The following KIF5C variants were observed in gnomAD, a reference collection of about 807,000 sequenced individuals.
KIF5C encodes the protein kinesin family member 5C, also known as kinesin heavy chain isoform 5C.
Under a neutral mutation model 125.2 loss-of-function variants are expected in KIF5C, and 18 were observed. The observed-to-expected ratio is 0.14, with a 90% confidence interval of 0.10 to 0.21. The LOEUF (loss-of-function observed/expected upper bound fraction) is 0.21, where lower values mean the gene tolerates loss of function less well. KIF5C is among the 10% of genes least tolerant of loss of function. The pLI is 1.00. For missense variants in KIF5C, 780 were observed against 1,183.8 expected, an observed-to-expected ratio of 0.66 and a Z score of 5.01; for synonymous variants, 405 against 434.0, an observed-to-expected ratio of 0.93 and a Z score of 0.83.
rs145749734 is a variant in KIF5C at position 148,980,391 on chromosome 2, T to C, written c.1363-964T>C. ...CCTTAACATTTTTCTTTTTCTATAC[T>C]ATCAAGGCAGTATCTGTTCAATATA... On this transcript the variant is annotated intron_variant, in intron 13 of 25. Coordinates refer to ENST00000435030, the MANE Select transcript of KIF5C (RefSeq NM_004522.3). Among the ~76,000 whole-genome samples, 150 of 152,294 alleles carry C rather than the reference T, an allele frequency of 9.8e-4. 1 individual carries two copies. In the East Asian group the frequency reaches 0.025, roughly 26 times the overall value.
chr2:148,892,118 G>T (rs1681724373), intron 1 of KIF5C, among the ~76,000 whole-genome samples: 1 of 152,226 alleles, frequency 6.6e-6, no homozygotes, highest in Non-Finnish European at 1.5e-5. Flanking sequence ...TCACAGAAGA[G>T]TAAGTTGTGG....
chr2:148,963,402 A>G (rs2105132895), intron 11 of KIF5C, among the ~76,000 whole-genome samples: 1 of 152,250 alleles, frequency 6.6e-6, no homozygotes, highest in South Asian at 2.1e-4. Context: ...GCTTTTTGCT[A>G]GTAAGGGTGG....
intron 1 of KIF5C, among the ~76,000 whole-genome samples, chr2:148,899,702 CAAAAAAAAAAAAAAAA>C (rs771196518): frequency 8.7e-5 from 4 of 46,072 alleles, no homozygotes; most frequent in African/African-American, 2.3e-4. Context: ...AACTCCATCT[CAAAAAAAAAAAAAAAA>C]AAAAAAAGAA....
intron 21 of KIF5C, among the ~76,000 whole-genome samples, chr2:149,004,669 A>T (rs547109996): frequency 6.6e-6 from 1 of 152,366 alleles, no homozygotes; most frequent in Admixed American, 6.5e-5. Context: ...TGAAATATGC[A>T]TCAATAAATT....
At position 148,924,953 on chromosome 2, in the gene KIF5C, C is replaced by T. The variant is rs566672516; in HGVS notation, c.217+2726C>T. On this transcript the variant is annotated intron_variant, in intron 2 of 25. Transcript: ENST00000435030. This position sits in a 1 kb window ranked among gnomAD's most constrained non-coding sequence, Gnocchi z 4.0. ...GAGTCGCCATGCTATGTAAGACTGTCTGCAAGGAGCTTTGAGTACAGGGAA... is the reference window on the plus strand; with the variant it reads ...GAGTCGCCATGCTATGTAAGACTGTTTGCAAGGAGCTTTGAGTACAGGGAA... Among the ~76,000 whole-genome samples the T allele has an allele frequency of 1.4e-4, 22 of 152,296 alleles. No individual in the cohort carries two copies. Among genetic ancestry groups the T allele is most frequent in the Admixed American group, 5.9e-4 (9 of 15,300 alleles).
At chr2:148,899,718 A>G (rs1274358503) in intron 1 of KIF5C, among the ~76,000 whole-genome samples, 3 of 151,596 alleles carry the variant, frequency 2.0e-5, no homozygotes, top group Admixed American at 6.6e-5. Flanking sequence ...AAAAAAAAAA[A>G]AAAAAAAGAA....
chr2:148,926,270 C>T (rs1392613301), intron 2 of KIF5C, among the ~76,000 whole-genome samples: 1 of 152,236 alleles, frequency 6.6e-6, no homozygotes. Context: ...CTCTGGGCAC[C>T]TGCAGTGGAA....
chr2:148,984,445 C>T (rs1411969824), intron 15 of KIF5C, among the ~76,000 whole-genome samples: 1 of 152,172 alleles, frequency 6.6e-6, no homozygotes, highest in Non-Finnish European at 1.5e-5. Flanking sequence ...CAGGCTTTTT[C>T]TCTGTTTCCT....
chr2:148,885,859 C>T (rs982849417), intron 1 of KIF5C: 1 of 152,132 alleles, frequency 6.6e-6, no homozygotes, highest in African/African-American at 2.4e-5. Context: ...TGAAGATGTT[C>T]GTTACACAAT....
At chr2:149,010,100 G>C in intron 23 of KIF5C, 35 bp from the exon 24 acceptor site, 1 of 1,518,714 alleles carries the variant, frequency 6.6e-7, no homozygotes, top group Non-Finnish European at 8.9e-7. Context: ...CTGCCTGCCT[G>C]GTAGTAACTC....
At chr2:149,019,369 A>T (rs1265581953) in intron 25 of KIF5C, among the ~76,000 whole-genome samples, 1 of 152,240 alleles carries the variant, frequency 6.6e-6, no homozygotes, top group African/African-American at 2.4e-5. Context: ...TAAAGTGGTC[A>T]TGGGGACAGA....
intron 1 of KIF5C, among the ~76,000 whole-genome samples, chr2:148,915,232 C>G (rs1681498828): frequency 6.6e-6 from 1 of 152,224 alleles, no homozygotes; most frequent in East Asian, 1.9e-4. Flanking sequence ...GTATCGTACA[C>G]CATTTGAGAG....
rs116581606 is a variant in KIF5C at position 148,981,104 on chromosome 2, A to T, written c.1363-251A>T. 7.5e-3 allele frequency among the ~76,000 whole-genome samples: 1,148 copies of T among 152,246 alleles called. 10 individuals are homozygous for T. The highest frequency in any genetic ancestry group is 0.026 in the African/African-American group (1,088 of 41,552). ...AGTTAAGGGTATACAGCTTTAAACTAACAACAACAACAACAAAACATACAA... is the reference window on the plus strand; with the variant it reads ...AGTTAAGGGTATACAGCTTTAAACTTACAACAACAACAACAAAACATACAA... On this transcript the variant is annotated intron_variant, in intron 13 of 25. Coordinates refer to ENST00000435030, the MANE Select transcript of KIF5C (RefSeq NM_004522.3).
chr2:149,016,649 C>T (rs545070246), intron 25 of KIF5C, among the ~76,000 whole-genome samples: 1 of 152,272 alleles, frequency 6.6e-6, no homozygotes, highest in South Asian at 2.1e-4. Context: ...CATCATGTTG[C>T]TTATGTGCTG....
chr2:148,956,382 C>T (rs893754075), intron 10 of KIF5C, among the ~76,000 whole-genome samples: 2 of 152,210 alleles, frequency 1.3e-5, no homozygotes, highest in African/African-American at 4.8e-5. Context: ...TCTTTACTGA[C>T]TTAACTGTCT....
chr2:148,888,892 A>G (rs1028159377), intron 1 of KIF5C: 1 of 151,214 alleles, frequency 6.6e-6, no homozygotes, highest in East Asian at 1.9e-4. Context: ...TAATATCTTC[A>G]TGTTTCTACT....
chr2:148,970,952 T>C (rs1345233856), intron 11 of KIF5C, among the ~76,000 whole-genome samples: 1 of 152,196 alleles, frequency 6.6e-6, no homozygotes, highest in Non-Finnish European at 1.5e-5. Context: ...AATATGACCA[T>C]GTTCTGGTTG....
intron 1 of KIF5C, among the ~76,000 whole-genome samples, chr2:148,896,320 T>A (rs1384056523): frequency 6.6e-6 from 1 of 151,546 alleles, no homozygotes; most frequent in East Asian, 1.9e-4. Context: ...AACAAAGGAG[T>A]AGAGAGGCCA....
chr2:149,010,864 A>T (rs1682173474), intron 24 of KIF5C, among the ~76,000 whole-genome samples: 1 of 152,222 alleles, frequency 6.6e-6, no homozygotes, highest in South Asian at 2.1e-4. Flanking sequence ...GGAGGTCTGG[A>T]GTCTCAGCCT....
Sources: gnomAD v4.1 joint callset for allele counts (sites outside exome capture counted in the v4.1 genomes callset) on GRCh38, gnomAD v4.1.1 for gene constraint, Gnocchi (gnomAD v3.1) non-coding constraint, MANE v1.5 for transcripts, NCBI Gene and HGNC (gene_info 2026-07-23, HGNC 2026-07-21) for gene names.